ERICH1: variants seen among roughly 807,000 people sequenced by gnomAD.
The protein encoded by ERICH1 is glutamate-rich protein 1.
ERICH1 carries 56 observed loss-of-function variants against 39.6 expected under a neutral mutation model. The ratio of observed to expected loss-of-function variants is 1.41; its 90% confidence interval spans 1.14 to 1.77. The LOEUF (loss-of-function observed/expected upper bound fraction) is 1.77, where lower values mean the gene tolerates loss of function less well. Ranked by LOEUF, ERICH1 falls within the 40% of genes most tolerant of loss-of-function variation. The pLI is 0.00. For synonymous variants in ERICH1, 313 were observed against 223.6 expected (o/e 1.40, Z -3.57); for missense variants, 826 against 575.4 (o/e 1.44, Z -4.45).
chr8:692,405 A>T (rs552106313), intron 3 of ERICH1, 73 bp downstream of exon 3: 1 of 1,600,902 alleles, frequency 6.2e-7, no homozygotes, highest in Non-Finnish European at 8.5e-7. Flanking sequence ...TAAAGGTATT[A>T]CAATACCAGA....
intron 3 of ERICH1, among the ~76,000 whole-genome samples, chr8:623,363 A>G (rs2117046277): frequency 6.6e-6 from 1 of 152,364 alleles, no homozygotes; most frequent in Non-Finnish European, 1.5e-5. Flanking sequence ...AGGATGCTCA[A>G]CAAACTAGAA....
chr8:655,576 T>G (rs1800534960), intron 3 of ERICH1, among the ~76,000 whole-genome samples: 1 of 152,130 alleles, frequency 6.6e-6, no homozygotes, highest in South Asian at 2.1e-4. Context: ...GCAGCAACCT[T>G]CATCACGGGG....
intron 3 of ERICH1, among the ~76,000 whole-genome samples, chr8:651,005 G>A (rs1799878153): frequency 6.6e-6 from 1 of 152,218 alleles, no homozygotes; most frequent in African/African-American, 2.4e-5. Flanking sequence ...AACACCCCTC[G>A]TTCGTCCACG....
intron 5 of ERICH1, among the ~76,000 whole-genome samples, chr8:665,510 C>T (rs1286967461): frequency 1.3e-5 from 2 of 152,196 alleles, no homozygotes; most frequent in Non-Finnish European, 2.9e-5. Context: ...TCCCCCCAGG[C>T]AGGCTCCATC....
At chr8:719,828 G>A (rs751346505) in intron 1 of ERICH1, among the ~76,000 whole-genome samples, 60 of 152,270 alleles carry the variant, frequency 3.9e-4, no homozygotes, top group Middle Eastern at 6.8e-3. Flanking sequence ...ACCCTGTACT[G>A]TCCGGATATA....
intron 3 of ERICH1, among the ~76,000 whole-genome samples, chr8:686,481 T>C (rs1447889094): frequency 6.6e-6 from 1 of 151,814 alleles, no homozygotes; most frequent in Non-Finnish European, 1.5e-5. Context: ...ACAAAAACCA[T>C]GTAGATCCCA....
chr8:698,218 CT>C (rs1265587829), intron 2 of ERICH1, among the ~76,000 whole-genome samples: 1 of 94,508 alleles, frequency 1.1e-5, no homozygotes, highest in South Asian at 4.7e-4. Flanking sequence ...AATCATATTC[CT>C]TTTCTTTTTT....
chr8:628,403 C>A (rs1025026089), intron 3 of ERICH1, among the ~76,000 whole-genome samples: 2 of 152,352 alleles, frequency 1.3e-5, no homozygotes, highest in Non-Finnish European at 2.9e-5. Flanking sequence ...ATCTCATAAA[C>A]AGGACCGCTG....
intron 2 of ERICH1, among the ~76,000 whole-genome samples, chr8:713,646 G>A (rs576233782): frequency 4.6e-5 from 7 of 152,256 alleles, no homozygotes; most frequent in South Asian, 4.1e-4. Context: ...AGAATATTAC[G>A]TCTGTGGGAA....
chr8:639,537 C>T (rs369467941), intron 3 of ERICH1, among the ~76,000 whole-genome samples: 6 of 152,102 alleles, frequency 3.9e-5, no homozygotes, highest in East Asian at 3.9e-4. Context: ...TTAGCAGACA[C>T]GACCGAGAAC....
intron 1 of ERICH1, among the ~76,000 whole-genome samples, chr8:719,403 G>C (rs1816774994): frequency 6.6e-6 from 1 of 152,236 alleles, no homozygotes; most frequent in Non-Finnish European, 1.5e-5. Context: ...GGGTGACACT[G>C]AGGTCATTCA....
At chr8:703,325 G>A (rs936916253) in intron 2 of ERICH1, among the ~76,000 whole-genome samples, 29 of 137,692 alleles carry the variant, frequency 2.1e-4, no homozygotes, top group African/African-American at 7.3e-4. Flanking sequence ...ACACACAGAG[G>A]ACAAATGAAG....
intron 1 of ERICH1, among the ~76,000 whole-genome samples, chr8:728,269 G>A (rs1305738652): frequency 6.6e-6 from 1 of 152,228 alleles, no homozygotes; most frequent in Non-Finnish European, 1.5e-5. Context: ...AGCGTTTCAG[G>A]AAGGAAGCAA....
chr8:711,018 T>C (rs1481217298), intron 2 of ERICH1, among the ~76,000 whole-genome samples: 1 of 152,202 alleles, frequency 6.6e-6, no homozygotes, highest in Non-Finnish European at 1.5e-5. Context: ...CCTCCAGCAT[T>C]TGGTGTTGTT....
intron 3 of ERICH1, among the ~76,000 whole-genome samples, chr8:633,486 A>T (rs755601351): frequency 6.6e-6 from 1 of 152,206 alleles, no homozygotes; most frequent in South Asian, 2.1e-4. Context: ...TCAAAACAAT[A>T]TATCTTCCTG....
chr8:697,538 C>T (rs1019718388), intron 2 of ERICH1, among the ~76,000 whole-genome samples: 8 of 152,228 alleles, frequency 5.3e-5, no homozygotes, highest in African/African-American at 1.9e-4. Context: ...GCGACCCCTC[C>T]TCCTGCCTCC....
intron 3 of ERICH1, chr8:615,604 A>G (rs1176541110): frequency 3.9e-6 from 1 of 255,836 alleles, no homozygotes; most frequent in African/African-American, 2.2e-5. Flanking sequence ...ACTATCCCTG[A>G]TCTGCCCAGG....
chr8:674,096 A>G (rs1804104665), intron 3 of ERICH1, 49 bp from the exon 4 acceptor site: 9 of 1,492,630 alleles, frequency 6.0e-6, no homozygotes, highest in Non-Finnish European at 7.9e-6. Context: ...TGAAACCATA[A>G]CAAACATATT....
At chr8:627,082 C>T (rs762633627) in intron 3 of ERICH1, 32 of 454,996 alleles carry the variant, frequency 7.0e-5, no homozygotes, top group Non-Finnish European at 1.2e-4. Flanking sequence ...TCCAGCAGGA[C>T]GGGGATGGAC....
Sources: allele counts gnomAD v4.1 joint callset (sites outside exome capture counted in the v4.1 genomes callset), GRCh38; gene constraint gnomAD v4.1.1; transcripts MANE v1.5; gene names NCBI Gene and HGNC (gene_info 2026-07-23, HGNC 2026-07-21).